Variants in ELF1 observed in about 807,000 individuals in gnomAD.
ELF1 encodes the protein ETS-related transcription factor Elf-1.
A neutral mutation model predicts 59.9 loss-of-function variants in ELF1; 24 were observed. The observed-to-expected ratio is 0.40, with a 90% CI of 0.29 to 0.56. The LOEUF (loss-of-function observed/expected upper bound fraction) is 0.56, where lower values mean the gene tolerates loss of function less well. ELF1 is among the 20% of genes least tolerant of loss of function. The pLI, the probability that ELF1 is intolerant of heterozygous loss-of-function variation, is 0.44. For synonymous variants in ELF1, 248 were observed against 266.2 expected, an observed-to-expected ratio of 0.93 and a Z score of 0.67; for missense variants, 627 against 742.2, an observed-to-expected ratio of 0.84 and a Z score of 1.80.
intron 1 of ELF1, among the ~76,000 whole-genome samples, chr13:41,052,276 T>G (rs1256664071): frequency 6.6e-6 from 1 of 152,142 alleles, no homozygotes; most frequent in Non-Finnish European, 1.5e-5. Flanking sequence ...TTTTAGTATT[T>G]AAATTTGTGA....
At position 41,037,106 on chromosome 13, in the gene ELF1, A is replaced by AAT. The variant is rs958153841; in HGVS notation, c.-229+23730_-229+23731dup. On this transcript the variant is annotated intron_variant, in intron 1 of 1. Transcript: ENST00000405737. ...TACCCTAGAACTTAAAGTATAATAA[A>AAT]ATATATATATATATTAAAAAAAACC... 4.8e-4 allele frequency among the ~76,000 whole-genome samples: 72 copies of AAT among 151,094 alleles called. 1 individual carries two copies. The highest frequency in any genetic ancestry group is 1.3e-3 in the African/African-American group (52 of 41,192).
chr13:40,975,910 A>T (rs1872877733), intron 2 of ELF1, among the ~76,000 whole-genome samples: 1 of 152,238 alleles, frequency 6.6e-6, no homozygotes, highest in Non-Finnish European at 1.5e-5. Flanking sequence ...GGTAATATTA[A>T]GGGGAAAAAA....
At chr13:41,052,153 T>C (rs1333880591) in intron 1 of ELF1, among the ~76,000 whole-genome samples, 3 of 152,152 alleles carry the variant, frequency 2.0e-5, no homozygotes, top group Non-Finnish European at 4.4e-5. Flanking sequence ...TTGGCCAGGC[T>C]GGTCTTGAAC....
At chr13:41,056,661 CAT>C (rs1471984473) in intron 1 of ELF1, among the ~76,000 whole-genome samples, 1 of 152,166 alleles carries the variant, frequency 6.6e-6, no homozygotes, top group African/African-American at 2.4e-5. Context: ...AGAACGATCT[CAT>C]ATGATATCCT....
At chr13:40,995,667 A>G (rs1874093746) in intron 1 of ELF1, among the ~76,000 whole-genome samples, 2 of 152,066 alleles carry the variant, frequency 1.3e-5, no homozygotes, top group African/African-American at 4.8e-5. Context: ...CACATTAAAA[A>G]AAAAAAAAAG....
intron 1 of ELF1, among the ~76,000 whole-genome samples, chr13:41,041,372 G>A (rs1485419550): frequency 6.6e-6 from 1 of 151,352 alleles, no homozygotes; most frequent in African/African-American, 2.4e-5. Context: ...TAATCCTCAA[G>A]ACAGAACTAT....
intron 7 of ELF1, 143 bp downstream of exon 7, chr13:40,942,809 A>T: frequency 1.2e-6 from 1 of 863,480 alleles, no homozygotes; most frequent in Non-Finnish European, 1.6e-6. Flanking sequence ...GGCATGAGCC[A>T]CCGCACCTGA....
intron 1 of ELF1, among the ~76,000 whole-genome samples, chr13:41,006,211 T>C (rs1251110906): frequency 6.6e-6 from 1 of 152,186 alleles, no homozygotes; most frequent in Non-Finnish European, 1.5e-5. Flanking sequence ...TCTTGCTCAT[T>C]CTTTATAGGA....
chr13:41,027,705 T>C (rs1331639624), intron 1 of ELF1, among the ~76,000 whole-genome samples: 1 of 152,198 alleles, frequency 6.6e-6, no homozygotes, highest in African/African-American at 2.4e-5. Flanking sequence ...ACAGAATGCC[T>C]TATCTACCAT....
chr13:41,008,964 T>G (rs1004746862), intron 1 of ELF1, among the ~76,000 whole-genome samples: 3 of 151,824 alleles, frequency 2.0e-5, no homozygotes, highest in African/African-American at 7.3e-5. Context: ...TGCACTTTTT[T>G]TTTTAAAAAA....
At chr13:40,969,523 C>G (rs1035936880) in intron 2 of ELF1, among the ~76,000 whole-genome samples, 3 of 152,188 alleles carry the variant, frequency 2.0e-5, no homozygotes, top group African/African-American at 7.2e-5. Context: ...ATATCACGTG[C>G]AGGGCCTGGC....
intron 3 of ELF1, among the ~76,000 whole-genome samples, chr13:40,957,472 A>T (rs2138190970): frequency 6.7e-6 from 1 of 149,616 alleles, no homozygotes; most frequent in South Asian, 2.1e-4. Flanking sequence ...AGGCATTAAG[A>T]TGTGTGTTTG....
chr13:40,972,382 G>A (rs1206717226), intron 2 of ELF1, among the ~76,000 whole-genome samples: 4 of 152,136 alleles, frequency 2.6e-5, no homozygotes, highest in Admixed American at 6.5e-5. Context: ...TTAAAATCCT[G>A]AGTCACAAGT....
upstream of ELF1, among the ~76,000 whole-genome samples, chr13:41,020,025 A>C (rs1875627742): frequency 6.6e-6 from 1 of 152,248 alleles, no homozygotes; most frequent in Non-Finnish European, 1.5e-5. Context: ...ATCATAGTTC[A>C]TAACTCTACT....
chr13:40,946,117 G>C (rs920789307), intron 5 of ELF1, among the ~76,000 whole-genome samples: 5 of 152,206 alleles, frequency 3.3e-5, no homozygotes, highest in African/African-American at 1.2e-4. Flanking sequence ...GGGATTACAA[G>C]CATGAGCCAC....
At chr13:40,987,537 G>T (rs73469266) in intron 1 of ELF1, among the ~76,000 whole-genome samples, 2,448 of 145,742 alleles carry the variant, frequency 0.017, 69 homozygotes, top group African/African-American at 0.059. Context: ...GGTAAGCCGA[G>T]GCACGCCACT....
At chr13:40,983,057 G>A (rs1337146533) in intron 1 of ELF1, among the ~76,000 whole-genome samples, 2 of 152,024 alleles carry the variant, frequency 1.3e-5, no homozygotes, top group Non-Finnish European at 2.9e-5. Flanking sequence ...ACAGCGAAGG[G>A]ACAAAGGCTT....
rs1177400631 is a variant in ELF1, at chr13:40,964,805, G to A, written c.73-5789C>T. Reference sequence around the variant, plus strand: ...CCAACTCGGCCTCCCATAGTGTTGGGATTACAGGTGTGAGCCACCGCACCC... The same window carrying A: ...CCAACTCGGCCTCCCATAGTGTTGGAATTACAGGTGTGAGCCACCGCACCC... On this transcript the variant is annotated intron_variant, in intron 2 of 8. Coordinates refer to ENST00000239882, the MANE Select transcript of ELF1 (RefSeq NM_172373.4). 2.6e-5 allele frequency among the ~76,000 whole-genome samples: 4 copies of A among 152,118 alleles called. No homozygotes were observed. The East Asian group carries it at 5.8e-4, about 22-fold the overall frequency.
intron 1 of ELF1, among the ~76,000 whole-genome samples, chr13:41,009,599 T>A (rs904723581): frequency 1.3e-5 from 2 of 152,198 alleles, no homozygotes; most frequent in African/African-American, 4.8e-5. Context: ...TTAATTTGCA[T>A]TCCTTTGCTA....
Sources: gnomAD v4.1 joint callset for allele counts (sites outside exome capture counted in the v4.1 genomes callset) on GRCh38, gnomAD v4.1.1 for gene constraint, MANE v1.5 for transcripts, NCBI Gene and HGNC (gene_info 2026-07-23, HGNC 2026-07-21) for gene names.